The following KCNIP4 variants were observed in gnomAD, a reference collection of about 807,000 sequenced individuals.
The protein encoded by KCNIP4 is Kv channel-interacting protein 4.
A neutral mutation model predicts 34.0 loss-of-function variants in KCNIP4; 12 were observed. That is an observed-to-expected ratio of 0.35 (90% CI 0.23 to 0.57). The LOEUF is 0.57. KCNIP4 is among the 20% of genes least tolerant of loss of function. The pLI is 0.83. For missense variants in KCNIP4, 238 were observed against 311.7 expected (o/e 0.76, Z 1.78); for synonymous variants, 124 against 102.2 (o/e 1.21, Z -1.29).
rs1716385542 is a variant in KCNIP4 at position 21,741,289 on chromosome 4, A to T, written c.61+207282T>A. On this transcript the variant is annotated intron_variant, in intron 1 of 8. Transcript: ENST00000382152. ...CTATGAAATAAGTTGGTGCATGAAA[A>T]GATAGATAAACTCGAGAAGGAAGTA... Among the ~76,000 whole-genome samples the T allele has an allele frequency of 2.6e-5, 4 of 152,200 alleles. No homozygotes were observed. In the South Asian group the frequency reaches 8.3e-4, roughly 31 times the overall value.
At chr4:21,103,238 C>T (rs1748112014) in intron 1 of KCNIP4, among the ~76,000 whole-genome samples, 1 of 148,956 alleles carries the variant, frequency 6.7e-6, no homozygotes, top group Non-Finnish European at 1.5e-5. Context: ...CTTGATCCAT[C>T]AAAGTTAAGT....
intron 6 of KCNIP4, 70 bp downstream of exon 6, chr4:20,734,558 C>G: frequency 1.4e-6 from 1 of 731,068 alleles, no homozygotes; most frequent in Non-Finnish European, 2.2e-6. Flanking sequence ...TTAATAATTG[C>G]AATTAATATT....
At chr4:20,755,617 A>G (rs1375984621) in intron 4 of KCNIP4, among the ~76,000 whole-genome samples, 1 of 152,180 alleles carries the variant, frequency 6.6e-6, no homozygotes, top group African/African-American at 2.4e-5. Flanking sequence ...TGAAATATAT[A>G]TTATTGGATT....
chr4:20,764,198 T>C (rs1447926338), intron 3 of KCNIP4, among the ~76,000 whole-genome samples: 1 of 152,088 alleles, frequency 6.6e-6, no homozygotes, highest in Non-Finnish European at 1.5e-5. Flanking sequence ...AGAAAAAAAT[T>C]AAAGAAAATG....
intron 1 of KCNIP4, among the ~76,000 whole-genome samples, chr4:21,018,874 G>C (rs1373193453): frequency 6.6e-6 from 1 of 152,148 alleles, no homozygotes; most frequent in African/African-American, 2.4e-5. Flanking sequence ...AGTTTGGATA[G>C]GGTTAATTCT....
At chr4:21,125,022 A>G (rs1057249336) in intron 1 of KCNIP4, among the ~76,000 whole-genome samples, 4 of 151,280 alleles carry the variant, frequency 2.6e-5, no homozygotes, top group African/African-American at 7.3e-5. Flanking sequence ...CAGTGGCTTC[A>G]TAAGTCCTGA....
At chr4:21,679,406 T>TAATG (rs1750166949) in intron 1 of KCNIP4, among the ~76,000 whole-genome samples, 1 of 152,208 alleles carries the variant, frequency 6.6e-6, no homozygotes. Context: ...GATAGGTACT[T>TAATG]AATGAATACC....
At chr4:21,323,961 T>A (rs571920677) in intron 1 of KCNIP4, among the ~76,000 whole-genome samples, 1 of 152,046 alleles carries the variant, frequency 6.6e-6, no homozygotes, top group South Asian at 2.1e-4. Flanking sequence ...TGAGAAAATA[T>A]CTCATTGTAG....
rs1578379414 is a variant in KCNIP4 at position 20,728,618 on chromosome 4, C to CATTT, written c.*1460_*1463dup. 1 of 152,678 alleles carries CATTT rather than the reference C, an allele frequency of 6.5e-6. No homozygotes were observed. The highest frequency in any genetic ancestry group is 1.9e-4 in the East Asian group (1 of 5,182). The allele number at this position is 152,678 out of a possible 1,614,324, so 9.5% of individuals were successfully genotyped here. A position where few individuals can be genotyped will look rare whatever the true frequency, so the allele number is the denominator to read the frequency against. On this transcript the variant is annotated 3_prime_UTR_variant, in exon 9 of 9. Coordinates refer to ENST00000382152, the MANE Select transcript of KCNIP4 (RefSeq NM_025221.6). ...GTAACATAGACAGTAGAGTTATAAA[C>CATTT]ATTTTATTTTGCTTTTATTTTTTCT...
intron 1 of KCNIP4, among the ~76,000 whole-genome samples, chr4:21,603,277 A>G (rs1231454338): frequency 6.6e-6 from 1 of 152,154 alleles, no homozygotes; most frequent in Admixed American, 6.6e-5. Context: ...TGTATCTGCA[A>G]GTCACATAAA....
intron 1 of KCNIP4, among the ~76,000 whole-genome samples, chr4:20,966,007 T>C (rs982778171): frequency 1.3e-5 from 2 of 152,196 alleles, no homozygotes; most frequent in African/African-American, 4.8e-5. Context: ...TGTGTCTCCT[T>C]GAAACTTTAC....
chr4:21,636,142 G>C (rs1746131313), intron 1 of KCNIP4, among the ~76,000 whole-genome samples: 1 of 121,248 alleles, frequency 8.2e-6, no homozygotes, highest in African/African-American at 3.1e-5. Flanking sequence ...ACTGTTGTGG[G>C]GTGGGGGGAG....
chr4:21,278,076 T>A (rs1762546240), intron 1 of KCNIP4, among the ~76,000 whole-genome samples: 1 of 151,812 alleles, frequency 6.6e-6, no homozygotes, highest in Non-Finnish European at 1.5e-5. Context: ...TAATTGAGAG[T>A]GAAAATCTTT....
chr4:21,234,508 TA>T, intron 1 of KCNIP4, among the ~76,000 whole-genome samples: 3 of 124,738 alleles, frequency 2.4e-5, no homozygotes, highest in African/African-American at 1.1e-4. Flanking sequence ...ATATTACATA[TA>T]ACGTATATAA....
At chr4:21,834,979 G>T (rs928621378) in intron 1 of KCNIP4, among the ~76,000 whole-genome samples, 1 of 152,052 alleles carries the variant, frequency 6.6e-6, no homozygotes, top group Non-Finnish European at 1.5e-5. Context: ...TTGATGTGCT[G>T]CTGGATTCGA....
intron 1 of KCNIP4, among the ~76,000 whole-genome samples, chr4:21,247,954 CATAT>C (rs1157125967): frequency 3.8e-5 from 5 of 131,384 alleles, no homozygotes; most frequent in African/African-American, 1.6e-4. Flanking sequence ...TATACACACA[CATAT>C]ATATATACAC....
At chr4:21,086,226 T>G (rs1746416551) in intron 1 of KCNIP4, among the ~76,000 whole-genome samples, 1 of 152,210 alleles carries the variant, frequency 6.6e-6, no homozygotes, top group Non-Finnish European at 1.5e-5. Context: ...TTCTGGTGGC[T>G]AAACCCAAAT....
At chr4:21,468,649 A>C (rs545037438) in intron 1 of KCNIP4, among the ~76,000 whole-genome samples, 2 of 152,254 alleles carry the variant, frequency 1.3e-5, no homozygotes, top group South Asian at 4.2e-4. Context: ...AGAAAGAGAA[A>C]AAAATCTAAG....
intron 1 of KCNIP4, among the ~76,000 whole-genome samples, chr4:21,223,672 TCAAA>T (rs1046871672): frequency 9.9e-5 from 15 of 152,210 alleles, no homozygotes; most frequent in African/African-American, 3.6e-4. Flanking sequence ...GTATATATTA[TCAAA>T]CAAACAAAAT....
Sources: allele counts gnomAD v4.1 joint callset (sites outside exome capture counted in the v4.1 genomes callset), GRCh38; gene constraint gnomAD v4.1.1; transcripts MANE v1.5; gene names NCBI Gene and HGNC (gene_info 2026-07-23, HGNC 2026-07-21).